The following PCDHA7 variants were observed in gnomAD, a reference collection of about 807,000 sequenced individuals.
The protein encoded by PCDHA7 is protocadherin alpha 7.
Under a neutral mutation model 57.2 loss-of-function variants are expected in PCDHA7, and 37 were observed. That is an observed-to-expected ratio of 0.65 (90% CI 0.50 to 0.85). The LOEUF (loss-of-function observed/expected upper bound fraction) is 0.85, where lower values mean the gene tolerates loss of function less well. Among genes scored for constraint, PCDHA7 ranks in the 40% least tolerant of loss-of-function variants. The pLI is 0.00. For missense variants in PCDHA7, 1,188 were observed against 1,241.8 expected, an observed-to-expected ratio of 0.96 and a Z score of 0.65; for synonymous variants, 553 against 558.8, an observed-to-expected ratio of 0.99 and a Z score of 0.15.
At chr5:140,969,236 G>A (rs782453054) in intron 1 of PCDHA7, 5 of 1,614,052 alleles carry the variant, frequency 3.1e-6, no homozygotes, top group Non-Finnish European at 4.2e-6. Flanking sequence ...GGGAGCCCAA[G>A]CAGCAGTGAC....
intron 1 of PCDHA7, chr5:140,850,972 T>C (rs2150504573): frequency 6.8e-7 from 1 of 1,465,332 alleles, no homozygotes; most frequent in African/African-American, 1.4e-5. Flanking sequence ...GCCGTTCAAA[T>C]AGTTTTATTC....
rs2150401429 is a variant in PCDHA7 at position 140,847,524 on chromosome 5, A to G, written c.2355+10786A>G. The stretch of plus-strand genomic sequence containing the variant: ...AAAACTTTGTAGAACTTAGTCAGGA[A>G]AAGAATCTCAAGCATAGCTTTAAAA... On this transcript the variant is annotated intron_variant, in intron 1 of 3. Coordinates refer to ENST00000525929, the MANE Select transcript of PCDHA7 (RefSeq NM_018910.3). The G allele has an allele frequency of 1.3e-5, 2 of 149,848 alleles. 1 individual carries two copies. The highest frequency in any genetic ancestry group is 3.0e-5 in the Non-Finnish European group (2 of 66,914). 9.3% of individuals were successfully genotyped at this position (149,848 alleles called of 1,614,324 possible).
chr5:140,870,397 C>T (rs1554164199), intron 1 of PCDHA7: 2 of 1,614,230 alleles, frequency 1.2e-6, no homozygotes, highest in South Asian at 1.1e-5. Flanking sequence ...TGGGGGTTCG[C>T]CTTCTCTGTG....
At chr5:140,909,288 A>G (rs1441603045) in intron 1 of PCDHA7, among the ~76,000 whole-genome samples, 2 of 152,234 alleles carry the variant, frequency 1.3e-5, no homozygotes, top group Non-Finnish European at 2.9e-5. Context: ...GGTGGGCCTT[A>G]TGGACAGGAA....
intron 1 of PCDHA7, chr5:140,884,600 C>T: frequency 6.2e-7 from 1 of 1,614,150 alleles, no homozygotes; most frequent in Non-Finnish European, 8.5e-7. Flanking sequence ...CAGCCTTCCT[C>T]CTTGTCTGGG....
intron 1 of PCDHA7, chr5:140,841,757 A>G (rs144800443): frequency 7.4e-6 from 12 of 1,613,818 alleles, no homozygotes; most frequent in African/African-American, 1.3e-5. Context: ...TTCAGAATCC[A>G]GAATGCCAGA....
intron 1 of PCDHA7, among the ~76,000 whole-genome samples, chr5:140,906,640 G>A (rs1465278194): frequency 6.6e-6 from 1 of 152,210 alleles, no homozygotes; most frequent in African/African-American, 2.4e-5. Context: ...ACCTCAGCAG[G>A]TAGTGGTTTT....
chr5:140,928,572 C>T, intron 1 of PCDHA7: 1 of 1,614,200 alleles, frequency 6.2e-7, no homozygotes, highest in Non-Finnish European at 8.5e-7. Flanking sequence ...TTCCCTTGCC[C>T]AGAAATGGTT....
At chr5:140,970,332 G>A (rs1236073527) in intron 1 of PCDHA7, among the ~76,000 whole-genome samples, 12 of 152,138 alleles carry the variant, frequency 7.9e-5, no homozygotes, top group Admixed American at 2.6e-4. Flanking sequence ...TCCAAAGCAT[G>A]CATTCATTTT....
chr5:140,902,044 A>AT (rs1222362795), intron 1 of PCDHA7, among the ~76,000 whole-genome samples: 6 of 152,016 alleles, frequency 3.9e-5, no homozygotes, highest in Non-Finnish European at 5.9e-5. Flanking sequence ...TTGTATGTTG[A>AT]TTTTGTATCC....
rs1396431858 is a variant in PCDHA7, at chr5:141,010,083, T to C, written c.*146T>C. The C allele has an allele frequency of 1.9e-6, 3 of 1,612,132 alleles. No homozygotes were observed. The African/African-American group carries it at 4.0e-5, about 22-fold the overall frequency. On this transcript the variant is annotated 3_prime_UTR_variant, in exon 4 of 4. Coordinates refer to ENST00000525929, the MANE Select transcript of PCDHA7 (RefSeq NM_018910.3). Reference sequence around the variant, plus strand: ...CTGCAGAAAGTTCCCTGTGTCTGTCTAGAACGCATTTAACAGGTTTTGTCG... The same window carrying C: ...CTGCAGAAAGTTCCCTGTGTCTGTCCAGAACGCATTTAACAGGTTTTGTCG...
intron 1 of PCDHA7, among the ~76,000 whole-genome samples, chr5:140,955,964 A>G (rs148345661): frequency 5.3e-5 from 8 of 152,256 alleles, no homozygotes; most frequent in African/African-American, 1.7e-4. Flanking sequence ...TTGTTTGTGC[A>G]TAGGAATGCT....
chr5:140,933,064 A>G (rs2088836698), intron 1 of PCDHA7, among the ~76,000 whole-genome samples: 1 of 152,030 alleles, frequency 6.6e-6, no homozygotes, highest in African/African-American at 2.4e-5. Context: ...GATCCTGACT[A>G]AAGTATTATG....
chr5:140,862,679 TG>T, intron 1 of PCDHA7: 1 of 551,310 alleles, frequency 1.8e-6, no homozygotes, highest in Non-Finnish European at 3.6e-6. Flanking sequence ...GAGAACGTGC[TG>T]GTGTCCTACT....
chr5:141,006,361 A>G (rs1384420854), intron 3 of PCDHA7, among the ~76,000 whole-genome samples: 3 of 151,846 alleles, frequency 2.0e-5, no homozygotes, highest in African/African-American at 7.3e-5. Context: ...ATAGGCGCCC[A>G]CCACCACGCC....
At chr5:140,978,922 C>A (rs569091265) in intron 1 of PCDHA7, 27 bp from the exon 2 acceptor site, 7 of 1,613,966 alleles carry the variant, frequency 4.3e-6, no homozygotes, top group Non-Finnish European at 5.1e-6. Context: ...GTCATTTTAA[C>A]AGAAAACTCT....
At chr5:140,915,650 C>G (rs1554197017) in intron 1 of PCDHA7, among the ~76,000 whole-genome samples, 1 of 151,636 alleles carries the variant, frequency 6.6e-6, no homozygotes, top group Non-Finnish European at 1.5e-5. Flanking sequence ...CTCTCTCTCT[C>G]TCTCTCAAGG....
intron 1 of PCDHA7, among the ~76,000 whole-genome samples, chr5:140,878,601 T>A (rs1409343825): frequency 6.6e-6 from 1 of 152,224 alleles, no homozygotes; most frequent in African/African-American, 2.4e-5. Flanking sequence ...ACCAAGTGAA[T>A]CTTCTAATGT....
At chr5:140,876,923 C>T in intron 1 of PCDHA7, 1 of 1,613,834 alleles carries the variant, frequency 6.2e-7, no homozygotes. Flanking sequence ...GACGCGGACG[C>T]GCAGAAGAAC....
Sources: gnomAD v4.1 joint callset for allele counts (sites outside exome capture counted in the v4.1 genomes callset) on GRCh38, gnomAD v4.1.1 for gene constraint, MANE v1.5 for transcripts, NCBI Gene and HGNC (gene_info 2026-07-23, HGNC 2026-07-21) for gene names.